GUCY1A2: variants seen among roughly 807,000 people sequenced by gnomAD.
The protein encoded by GUCY1A2 is guanylate cyclase soluble subunit alpha-2.
In GUCY1A2, 27 loss-of-function variants were observed where a neutral mutation model predicts 63.5. The ratio of observed to expected loss-of-function variants is 0.43; its 90% CI spans 0.31 to 0.59. GUCY1A2 has a LOEUF of 0.59. GUCY1A2 is among the 20% of genes least tolerant of loss of function. The pLI is 0.11. For missense variants in GUCY1A2, 768 were observed against 913.3 expected (o/e 0.84, Z 2.05); for synonymous variants, 364 against 343.5 (o/e 1.06, Z -0.66).
chr11:106,844,812 G>A (rs1422491751), intron 4 of GUCY1A2, among the ~76,000 whole-genome samples: 2 of 151,678 alleles, frequency 1.3e-5, no homozygotes, highest in African/African-American at 4.8e-5. Flanking sequence ...TATAAATGAT[G>A]AGTTGCAGGA....
rs1263682573 is a variant in GUCY1A2 at position 106,684,973 on chromosome 11, CT to C, written c.*2575del. Reference sequence around the variant, plus strand: ...TAATTTTTTCTCCATCTTCTAACTTCTGTGATTGAAGTTTGAATGAACAGAC... The same window carrying C: ...TAATTTTTTCTCCATCTTCTAACTTCGTGATTGAAGTTTGAATGAACAGAC... On this transcript the variant is annotated 3_prime_UTR_variant, in exon 8 of 8. Coordinates refer to ENST00000526355, the MANE Select transcript of GUCY1A2 (RefSeq NM_000855.3). 9.8e-6 allele frequency: 2 copies of C among 203,842 alleles called. No individual in the cohort carries two copies. The allele number at this position is 203,842 out of a possible 1,614,324, so 12.6% of individuals were successfully genotyped here. A position where few individuals can be genotyped will look rare whatever the true frequency, so the allele number is the denominator to read the frequency against.
intron 3 of GUCY1A2, among the ~76,000 whole-genome samples, chr11:106,958,411 T>C (rs1389158613): frequency 6.6e-6 from 1 of 152,148 alleles, no homozygotes; most frequent in African/African-American, 2.4e-5. Context: ...TGGGGCAAAA[T>C]CTATTCCTAT....
chr11:106,939,284 A>G (rs1435830160), intron 4 of GUCY1A2, among the ~76,000 whole-genome samples, 176 bp downstream of exon 4: 2 of 152,262 alleles, frequency 1.3e-5, no homozygotes. Context: ...GACACTATGC[A>G]AAATGGCTGG....
At chr11:106,947,851 AAAAT>A (rs1860851583) in intron 3 of GUCY1A2, among the ~76,000 whole-genome samples, 1 of 152,076 alleles carries the variant, frequency 6.6e-6, no homozygotes, top group Non-Finnish European at 1.5e-5. Flanking sequence ...TTCAGCAACA[AAAAT>A]AAATAAGTAA....
At chr11:106,967,195 T>C (rs560251697) in intron 3 of GUCY1A2, among the ~76,000 whole-genome samples, 2 of 152,276 alleles carry the variant, frequency 1.3e-5, no homozygotes, top group Admixed American at 6.5e-5. Flanking sequence ...TCCCTTGATA[T>C]CTTCTTCGCA....
chr11:106,804,096 T>C (rs1356964442), intron 5 of GUCY1A2, among the ~76,000 whole-genome samples: 1 of 152,224 alleles, frequency 6.6e-6, no homozygotes, highest in Non-Finnish European at 1.5e-5. Context: ...TTCCATAACA[T>C]TTTAAAGGTT....
chr11:106,696,566 CTA>C (rs1862723164), intron 7 of GUCY1A2, among the ~76,000 whole-genome samples: 5 of 152,020 alleles, frequency 3.3e-5, no homozygotes. Flanking sequence ...CTTAAGAATT[CTA>C]TGTTCTCTAT....
At position 106,778,773 on chromosome 11, in the gene GUCY1A2, G is replaced by A. The variant is rs140716172; in HGVS notation, c.1693-2191C>T. 2.2e-3 allele frequency among the ~76,000 whole-genome samples: 330 copies of A among 151,672 alleles called. 3 individuals carry two copies. In the East Asian group the frequency reaches 0.037, roughly 17 times the overall value. On this transcript the variant is annotated intron_variant, in intron 5 of 7. Transcript: ENST00000526355. ...AATATCTCATATTTATTGAATATTT[G>A]CTAAATGAATAAGTCAATCAACCAT... is the stretch of plus-strand genomic sequence containing the variant.
intron 4 of GUCY1A2, among the ~76,000 whole-genome samples, chr11:106,915,201 T>C (rs1288146890): frequency 2.0e-5 from 3 of 152,088 alleles, no homozygotes; most frequent in Non-Finnish European, 1.5e-5. Context: ...AAATAAAATA[T>C]TGTATTTTCC....
At chr11:106,905,081 G>A (rs545370190) in intron 4 of GUCY1A2, among the ~76,000 whole-genome samples, 1 of 152,112 alleles carries the variant, frequency 6.6e-6, no homozygotes, top group Non-Finnish European at 1.5e-5. Context: ...AGGCACTGAG[G>A]TGGCTAGAAA....
chr11:106,802,423 T>C (rs990912679), intron 5 of GUCY1A2, among the ~76,000 whole-genome samples: 1 of 152,168 alleles, frequency 6.6e-6, no homozygotes, highest in South Asian at 2.1e-4. Context: ...TTTGCATCAA[T>C]GGGACGGTAG....
intron 5 of GUCY1A2, among the ~76,000 whole-genome samples, chr11:106,807,468 CA>C (rs1490143896): frequency 6.6e-6 from 1 of 152,092 alleles, no homozygotes; most frequent in African/African-American, 2.4e-5. Flanking sequence ...CTGGCCAAAC[CA>C]TTACTGCTAT....
chr11:107,014,333 T>G (rs1861790555), intron 1 of GUCY1A2, among the ~76,000 whole-genome samples: 1 of 152,032 alleles, frequency 6.6e-6, no homozygotes, highest in Non-Finnish European at 1.5e-5. Context: ...GTGATCTGCC[T>G]GCCTCGGCCT....
In GUCY1A2 at chr11:106,708,492, G is replaced by A. The variant is rs1489946726; in HGVS notation, c.1991+20C>T. The stretch of plus-strand genomic sequence containing the variant: ...AAAACAAAGGCCAAGACAGGAAGGA[G>A]GAGGCCAGAGAACACTTACTGGTAA... On this transcript the variant is annotated intron_variant, in intron 7 of 7. Coordinates refer to ENST00000526355, the MANE Select transcript of GUCY1A2 (RefSeq NM_000855.3). 4 of 1,596,576 alleles carry A rather than the reference G, an allele frequency of 2.5e-6. No individual in the cohort carries two copies. The highest frequency in any genetic ancestry group is 3.4e-6 in the Non-Finnish European group (4 of 1,168,594).
intron 4 of GUCY1A2, 98 bp from the exon 5 acceptor site, chr11:106,810,576 T>A: frequency 1.0e-6 from 1 of 990,984 alleles, no homozygotes; most frequent in Non-Finnish European, 1.5e-6. Flanking sequence ...AAATGTTTTA[T>A]TAGCAATACT....
chr11:106,898,054 C>T lies in GUCY1A2; in HGVS notation c.1206+41406G>A, dbSNP rs1860075899. ...AACAAATATCTTAAAAAATACCTCA[C>T]CAAAGAAGATACACAGATGTCAAAT... On this transcript the variant is annotated intron_variant, in intron 4 of 7. Coordinates refer to ENST00000526355, the MANE Select transcript of GUCY1A2 (RefSeq NM_000855.3). 2.0e-5 allele frequency among the ~76,000 whole-genome samples: 3 copies of T among 152,056 alleles called. No homozygotes were observed. The South Asian group carries it at 6.2e-4, about 32-fold the overall frequency.
chr11:106,699,761 A>C (rs891767500), intron 7 of GUCY1A2, among the ~76,000 whole-genome samples: 1 of 152,056 alleles, frequency 6.6e-6, no homozygotes, highest in Admixed American at 6.6e-5. Context: ...TAAATCATAA[A>C]GAAAAATATG....
intron 1 of GUCY1A2, among the ~76,000 whole-genome samples, chr11:107,013,409 A>G (rs1202414622): frequency 6.6e-6 from 1 of 152,218 alleles, no homozygotes; most frequent in Admixed American, 6.5e-5. Flanking sequence ...ATCCAAATAA[A>G]TAAGTCGCTA....
chr11:106,827,837 G>A (rs1858993557), intron 4 of GUCY1A2: 2 of 1,599,466 alleles, frequency 1.3e-6, no homozygotes, highest in Non-Finnish European at 8.6e-7. Flanking sequence ...CCGCGATGCC[G>A]CCGCCGACCA....
Sources: allele counts gnomAD v4.1 joint callset (sites outside exome capture counted in the v4.1 genomes callset), GRCh38; gene constraint gnomAD v4.1.1; transcripts MANE v1.5; gene names NCBI Gene and HGNC (gene_info 2026-07-23, HGNC 2026-07-21).